TENM1: variants seen among roughly 807,000 people sequenced by gnomAD.
TENM1 encodes the protein teneurin transmembrane protein 1.
TENM1 carries 35 observed loss-of-function variants against 174.8 expected under a neutral mutation model. The observed-to-expected ratio is 0.20, with a 90% CI of 0.15 to 0.27. The LOEUF (loss-of-function observed/expected upper bound fraction) is 0.27. TENM1 is among the 10% of genes least tolerant of loss of function. The pLI is 1.00. For missense variants in TENM1, 1,633 were observed against 2,130.1 expected (o/e 0.77, Z 4.59); for synonymous variants, 781 against 798.7 (o/e 0.98, Z 0.37).
chrX:124,798,442 T>C (rs1170974625), intron 3 of TENM1, among the ~76,000 whole-genome samples: 1 of 112,228 alleles, frequency 8.9e-6, no homozygotes, highest in Non-Finnish European at 1.9e-5. Flanking sequence ...TAATGACCAG[T>C]GATGATGAGC....
At chrX:124,957,885 C>A (rs1049640264) in intron 1 of TENM1, among the ~76,000 whole-genome samples, 1 of 111,719 alleles carries the variant, frequency 9.0e-6, no homozygotes, top group South Asian at 3.7e-4. Context: ...TGGAGATATT[C>A]AAAAACTAAT....
chrX:125,012,862 T>C, the TENM1 span, among the ~76,000 whole-genome samples: 3 of 112,115 alleles, frequency 2.7e-5, no homozygotes, highest in Non-Finnish European at 3.8e-5. Context: ...ATTCAGTATC[T>C]AGTCGGTTGA....
intron 11 of TENM1, among the ~76,000 whole-genome samples, chrX:124,596,104 A>T (rs1346903349): frequency 8.9e-6 from 1 of 112,395 alleles, no homozygotes; most frequent in Non-Finnish European, 1.9e-5. Flanking sequence ...ATTTTTAAGC[A>T]ACTGAATTAA....
At chrX:124,955,826 CAG>C (rs1297652134) in intron 1 of TENM1, among the ~76,000 whole-genome samples, 2 of 109,818 alleles carry the variant, frequency 1.8e-5, no homozygotes, top group African/African-American at 3.3e-5. Context: ...CACACACACA[CAG>C]ACACCATTTC....
chrX:124,578,936 A>G, intron 11 of TENM1, among the ~76,000 whole-genome samples: 1 of 112,274 alleles, frequency 8.9e-6, no homozygotes, highest in Admixed American at 9.4e-5. Flanking sequence ...TGTTGATTTG[A>G]ACTGAAATCT....
chrX:124,616,603 T>G (rs1353231964), intron 11 of TENM1, among the ~76,000 whole-genome samples: 1 of 112,419 alleles, frequency 8.9e-6, no homozygotes, highest in African/African-American at 3.2e-5. Flanking sequence ...TCAACAAGTG[T>G]ATGTGTGCTT....
At chrX:124,914,409 T>C (rs986250410) in intron 1 of TENM1, among the ~76,000 whole-genome samples, 3 of 111,537 alleles carry the variant, frequency 2.7e-5, no homozygotes, top group Non-Finnish European at 5.7e-5. Flanking sequence ...GTTGGTAGAT[T>C]AAGCTAGGAT....
At chrX:124,937,452 T>C (rs1056313223) in intron 1 of TENM1, among the ~76,000 whole-genome samples, 7 of 111,768 alleles carry the variant, frequency 6.3e-5, no homozygotes, top group African/African-American at 1.9e-4. Flanking sequence ...CTCATCTAAG[T>C]GCTTCTCCCT....
intron 18 of TENM1, among the ~76,000 whole-genome samples, chrX:124,505,083 C>G (rs1034418857): frequency 8.9e-6 from 1 of 112,160 alleles, no homozygotes; most frequent in African/African-American, 3.2e-5. Context: ...ATGGATACGA[C>G]CCATGCTTAG....
the TENM1 span, among the ~76,000 whole-genome samples, chrX:125,195,880 C>T: frequency 1.8e-5 from 2 of 109,925 alleles, no homozygotes; most frequent in Non-Finnish European, 3.8e-5. Flanking sequence ...AAAGAGTAAT[C>T]GCTCCCAATA....
chrX:124,621,679 G>A (rs1274394164), intron 11 of TENM1, among the ~76,000 whole-genome samples: 1 of 112,158 alleles, frequency 8.9e-6, no homozygotes, highest in Non-Finnish European at 1.9e-5. Context: ...ATGGTGTTAT[G>A]TTAGTGCGCA....
intron 11 of TENM1, among the ~76,000 whole-genome samples, chrX:124,577,826 C>T (rs953251675): frequency 4.5e-5 from 5 of 112,097 alleles, no homozygotes; most frequent in African/African-American, 9.7e-5. Flanking sequence ...ATGCATGCTA[C>T]GCATTTCTAC....
At chrX:124,879,825 G>A (rs2057273180) in intron 3 of TENM1, among the ~76,000 whole-genome samples, 1 of 111,946 alleles carries the variant, frequency 8.9e-6, no homozygotes, top group Non-Finnish European at 1.9e-5. Flanking sequence ...AGTGGGATAA[G>A]ATTATATTTC....
chrX:124,532,547 C>A (rs1388296628), intron 15 of TENM1, among the ~76,000 whole-genome samples: 2 of 111,551 alleles, frequency 1.8e-5, no homozygotes. Context: ...ATGAAGCACA[C>A]ATATTTGTGT....
chrX:124,635,468 G>A (rs2050858139), intron 11 of TENM1, among the ~76,000 whole-genome samples: 1 of 112,212 alleles, frequency 8.9e-6, no homozygotes, highest in Admixed American at 9.4e-5. Flanking sequence ...GAACCTCCAG[G>A]CCTAATGCTT....
At chrX:125,090,610 G>A in the TENM1 span, among the ~76,000 whole-genome samples, 4 of 111,555 alleles carry the variant, frequency 3.6e-5, no homozygotes, top group East Asian at 8.5e-4. Flanking sequence ...AGCCATGATT[G>A]CACCCTTGCA....
At chrX:124,975,846 G>A in the TENM1 span, among the ~76,000 whole-genome samples, 1 of 111,922 alleles carries the variant, frequency 8.9e-6, no homozygotes, top group Non-Finnish European at 1.9e-5. Context: ...GCCAAAGGCA[G>A]CAGACTGTAT....
chrX:124,434,773 A>G (rs2060818045), intron 23 of TENM1, among the ~76,000 whole-genome samples: 2 of 112,143 alleles, frequency 1.8e-5, no homozygotes, highest in African/African-American at 6.5e-5. Flanking sequence ...TTTGATTGTT[A>G]TTGTAAGGAG....
intron 11 of TENM1, among the ~76,000 whole-genome samples, chrX:124,629,045 A>G (rs767321664): frequency 8.9e-6 from 1 of 112,356 alleles, no homozygotes; most frequent in Non-Finnish European, 1.9e-5. Flanking sequence ...AAGTCACCAT[A>G]CAAGCCCTGG....
Sources: gnomAD v4.1 joint callset for allele counts (sites outside exome capture counted in the v4.1 genomes callset) on GRCh38, gnomAD v4.1.1 for gene constraint, MANE v1.5 for transcripts, NCBI Gene and HGNC (gene_info 2026-07-23, HGNC 2026-07-21) for gene names.